The following ELAPOR2 variants were observed in gnomAD, a reference collection of about 807,000 sequenced individuals.
ELAPOR2 encodes the protein endosome/lysosome-associated apoptosis and autophagy regulator family member 2.
In ELAPOR2, 89 loss-of-function variants were observed where a neutral mutation model predicts 120.7. The ratio of observed to expected loss-of-function variants is 0.74; its 90% CI spans 0.62 to 0.88. ELAPOR2 has a LOEUF of 0.88. Ranked by LOEUF, ELAPOR2 falls within the 40% of genes least tolerant of loss-of-function variation. The pLI is 0.00. For synonymous variants in ELAPOR2, 444 were observed against 444.9 expected, an observed-to-expected ratio of 1.00 and a Z score of 0.03; for missense variants, 1,134 against 1,251.6, an observed-to-expected ratio of 0.91 and a Z score of 1.42.
intron 1 of ELAPOR2, among the ~76,000 whole-genome samples, chr7:86,987,348 G>T (rs1176146727): frequency 6.6e-6 from 1 of 152,084 alleles, no homozygotes; most frequent in African/African-American, 2.4e-5. Context: ...AGACAAATGA[G>T]ATCTAATTAA....
chr7:86,883,281 C>A (rs954028050), intron 21 of ELAPOR2, among the ~76,000 whole-genome samples: 1 of 151,854 alleles, frequency 6.6e-6, no homozygotes, highest in Non-Finnish European at 1.5e-5. Flanking sequence ...CAGTGCAGTG[C>A]TAGGGAAATA....
At chr7:87,032,120 T>C (rs1310102832) in intron 1 of ELAPOR2, among the ~76,000 whole-genome samples, 1 of 152,176 alleles carries the variant, frequency 6.6e-6, no homozygotes, top group Non-Finnish European at 1.5e-5. Context: ...GTTTCATGAG[T>C]GCTTACATAT....
At chr7:86,956,197 GAGTTGGCGGTGA>G (rs1791465443) in intron 2 of ELAPOR2, among the ~76,000 whole-genome samples, 1 of 152,046 alleles carries the variant, frequency 6.6e-6, no homozygotes, top group African/African-American at 2.4e-5. Flanking sequence ...TTTTCACTAA[GAGTTGGCGGTGA>G]AGTTGTAGGA....
At chr7:86,896,403 G>A (rs1788439285) in intron 19 of ELAPOR2, among the ~76,000 whole-genome samples, 1 of 151,972 alleles carries the variant, frequency 6.6e-6, no homozygotes, top group Non-Finnish European at 1.5e-5. Flanking sequence ...TTTTTTCCTA[G>A]GGGTGAGGTG....
intron 1 of ELAPOR2, among the ~76,000 whole-genome samples, chr7:87,040,176 C>A (rs938467654): frequency 2.6e-5 from 4 of 152,310 alleles, no homozygotes; most frequent in South Asian, 2.1e-4. Flanking sequence ...AACTGCAAGG[C>A]GGCAGCGAGG....
chr7:86,983,889 G>A (rs1792607204), intron 1 of ELAPOR2, among the ~76,000 whole-genome samples: 1 of 152,128 alleles, frequency 6.6e-6, no homozygotes, highest in Non-Finnish European at 1.5e-5. Context: ...GACACAGACT[G>A]GCAAATTGGA....
intron 18 of ELAPOR2, among the ~76,000 whole-genome samples, chr7:86,905,583 A>C (rs1325472289): frequency 6.6e-6 from 1 of 152,176 alleles, no homozygotes; most frequent in African/African-American, 2.4e-5. Context: ...GTCACATTTT[A>C]AATTAGCTTT....
chr7:86,989,234 G>A (rs1312812421), intron 1 of ELAPOR2, among the ~76,000 whole-genome samples: 1 of 152,076 alleles, frequency 6.6e-6, no homozygotes, highest in Non-Finnish European at 1.5e-5. Context: ...AATTAAGCAG[G>A]CTGTATGTGC....
intron 9 of ELAPOR2, 65 bp downstream of exon 9, chr7:86,926,671 G>A (rs1290044709): frequency 2.9e-6 from 4 of 1,402,132 alleles, no homozygotes; most frequent in Non-Finnish European, 3.9e-6. Flanking sequence ...TTTAGAAAAT[G>A]GTCACAGTAG....
chr7:87,037,436 A>G (rs1164438318), intron 1 of ELAPOR2, among the ~76,000 whole-genome samples: 1 of 152,060 alleles, frequency 6.6e-6, no homozygotes, highest in Non-Finnish European at 1.5e-5. Context: ...AAAACTTATA[A>G]GTCATGGTAG....
intron 1 of ELAPOR2, among the ~76,000 whole-genome samples, chr7:87,037,824 T>C (rs1457783076): frequency 6.6e-6 from 1 of 152,222 alleles, no homozygotes; most frequent in Admixed American, 6.5e-5. Context: ...TTGACTGAGA[T>C]GTGGTGGTCT....
At chr7:86,964,841 G>T in intron 2 of ELAPOR2, 63 bp downstream of exon 2, 1 of 1,518,588 alleles carries the variant, frequency 6.6e-7, no homozygotes, top group Admixed American at 2.0e-5. Context: ...TTAACATCTA[G>T]GGCTAATATG....
At chr7:86,925,355 G>T (rs1430740942) in intron 10 of ELAPOR2, among the ~76,000 whole-genome samples, 173 bp downstream of exon 10, 2 of 151,880 alleles carry the variant, frequency 1.3e-5, no homozygotes. Context: ...ATGTCACCTG[G>T]CTGTGACACC....
intron 1 of ELAPOR2, among the ~76,000 whole-genome samples, chr7:86,985,920 A>C (rs866433648): frequency 1.3e-5 from 2 of 151,850 alleles, no homozygotes; most frequent in Non-Finnish European, 2.9e-5. Flanking sequence ...TCAAAATAAT[A>C]AGAGCTATTT....
chr7:86,956,695 T>A (rs1327579622), intron 2 of ELAPOR2, among the ~76,000 whole-genome samples: 4 of 152,182 alleles, frequency 2.6e-5, no homozygotes, highest in African/African-American at 9.7e-5. Context: ...AAAACAGAAA[T>A]GTATTTTATT....
At chr7:86,886,257 T>C (rs927741370) in intron 21 of ELAPOR2, among the ~76,000 whole-genome samples, 1 of 152,162 alleles carries the variant, frequency 6.6e-6, no homozygotes, top group Non-Finnish European at 1.5e-5. Flanking sequence ...ACTCTGCTAT[T>C]GGGACAGTGT....
chr7:87,042,255 G>A (rs1447230077), intron 1 of ELAPOR2, among the ~76,000 whole-genome samples: 7 of 151,174 alleles, frequency 4.6e-5, no homozygotes, highest in African/African-American at 1.7e-4. Flanking sequence ...TCTGCACCAA[G>A]TGGACCTAAT....
intron 15 of ELAPOR2, 148 bp from the exon 16 acceptor site, chr7:86,910,149 C>A: frequency 3.4e-6 from 2 of 587,686 alleles, no homozygotes; most frequent in Non-Finnish European, 5.8e-6. Context: ...GCCTAGCCAC[C>A]CATCAGTACT....
At chr7:86,975,504 C>T (rs1011375900) in intron 1 of ELAPOR2, among the ~76,000 whole-genome samples, 1 of 152,122 alleles carries the variant, frequency 6.6e-6, no homozygotes, top group Non-Finnish European at 1.5e-5. Flanking sequence ...AACCTTAAAA[C>T]ATCTATTAAA....
Sources: gnomAD v4.1 joint callset for allele counts (sites outside exome capture counted in the v4.1 genomes callset) on GRCh38, gnomAD v4.1.1 for gene constraint, MANE v1.5 for transcripts, NCBI Gene and HGNC (gene_info 2026-07-23, HGNC 2026-07-21) for gene names.